ZNF169: variants seen among roughly 807,000 people sequenced by gnomAD.
ZNF169 encodes zinc finger protein 169.
A neutral mutation model predicts 12.0 loss-of-function variants in ZNF169; 11 were observed. The ratio of observed to expected loss-of-function variants is 0.92; its 90% CI spans 0.58 to 1.52. The LOEUF is 1.52. Ranked by LOEUF, ZNF169 falls within the 40% of genes most tolerant of loss-of-function variation. The pLI is 0.00. For synonymous variants in ZNF169, 302 were observed against 286.5 expected (o/e 1.05, Z -0.55); for missense variants, 722 against 744.0 (o/e 0.97, Z 0.34).
intron 2 of ZNF169, among the ~76,000 whole-genome samples, chr9:94,283,281 G>A (rs569222819): frequency 3.9e-5 from 6 of 152,194 alleles, no homozygotes; most frequent in South Asian, 4.1e-4. Flanking sequence ...TGTGGCATGC[G>A]CCTGTAGTCC....
chr9:94,298,844 G>A (rs1466753243), intron 4 of ZNF169, among the ~76,000 whole-genome samples: 1 of 151,952 alleles, frequency 6.6e-6, no homozygotes, highest in East Asian at 1.9e-4. Context: ...ACCATCATGG[G>A]AATTAGTGTT....
rs1289084595 is a variant in ZNF169 at position 94,301,239 on chromosome 9, C to T, written c.1681C>T (p.Gln561Ter). ...CTTTAAGTCTGCCCTCATCCGACAT[C>T]AGCGGACCCATTCTGGGGAGAAGCC... Reference protein sequence around the residue: ...FGFKSALIRHQRTHSGEKPYV... With the variant: ...FGFKSALIRH Residue 561 changes from glutamine to a stop codon, truncating the protein, a stop_gained, in exon 5 of 5, where the codon CAG (glutamine) becomes TAG (stop). Coordinates refer to ENST00000395395, the MANE Select transcript of ZNF169 (RefSeq NM_194320.4). LOFTEE classifies it low-confidence loss of function (END_TRUNC). 3.1e-6 allele frequency: 5 copies of T among 1,614,126 alleles called. No individual in the cohort carries two copies. In the South Asian group the frequency reaches 5.5e-5, roughly 18 times the overall value.
At chr9:94,290,797 T>C (rs1181455841) in intron 2 of ZNF169, among the ~76,000 whole-genome samples, 2 of 152,156 alleles carry the variant, frequency 1.3e-5, no homozygotes. Context: ...GTGGAATTGT[T>C]GGATCAGATG....
rs536175880 is a variant in ZNF169, at chr9:94,300,006, G to A, written c.448G>A (p.Asp150Asn). 1.9e-5 allele frequency: 30 copies of A among 1,614,008 alleles called. No homozygotes were observed. The Middle Eastern group carries it at 6.6e-4, about 35-fold the overall frequency. ...AGAAAGTGGAGAGACAGAAGGCCCC[G>A]ACAGCTCATTAAGAAAGAGGCCAAG... ...KGESGETEGP[D>N]SSLRKRPSRI... The change falls in exon 5 of 5, where the codon GAC becomes AAC. Residue 150 changes from aspartate to asparagine, a missense_variant. Transcript: ENST00000395395.
chr9:94,283,050 T>A (rs1475935712), intron 2 of ZNF169, among the ~76,000 whole-genome samples: 1 of 152,162 alleles, frequency 6.6e-6, no homozygotes, highest in African/African-American at 2.4e-5. Context: ...TGGATTTACC[T>A]CTTCTGGATA....
At chr9:94,273,715 G>T (rs1830469859) in intron 1 of ZNF169, among the ~76,000 whole-genome samples, 1 of 151,706 alleles carries the variant, frequency 6.6e-6, no homozygotes, top group Admixed American at 6.6e-5. Flanking sequence ...GAGTAGCTGG[G>T]ACTACAGGCA....
intron 4 of ZNF169, among the ~76,000 whole-genome samples, chr9:94,299,183 ATCAGGGATTCC>A (rs1438132018): frequency 6.6e-6 from 1 of 152,254 alleles, no homozygotes; most frequent in African/African-American, 2.4e-5. Flanking sequence ...GGAGGGCAGC[ATCAGGGATTCC>A]TCTTCTTCAA....
chr9:94,301,365 T>G lies in ZNF169; in HGVS notation c.1807T>G (p.Phe603Val), dbSNP rs770221154. Residue 603 changes from phenylalanine to valine, a missense_variant, in exon 5 of 5, where the codon TTC (phenylalanine) becomes GTC (valine). Physicochemically the swap from Phe to Val is conservative, Grantham distance 50. Transcript: ENST00000395395. Reference protein sequence around the residue: ...SGHQLLPQEVF With the variant: ...SGHQLLPQEVV ...TCATCAGCTCCTACCCCAAGAGGTC[T>G]TCTGACCTTTCCTTTCCCCGTGAGT... The G allele has an allele frequency of 1.0e-5, 16 of 1,601,728 alleles. No individual in the cohort carries two copies. Among genetic ancestry groups the G allele is most frequent in the Non-Finnish European group, 1.4e-5 (16 of 1,171,670 alleles).
chr9:94,261,939 A>C (rs1415401112), intron 1 of ZNF169, among the ~76,000 whole-genome samples: 1 of 152,252 alleles, frequency 6.6e-6, no homozygotes, highest in African/African-American at 2.4e-5. Context: ...GATCATACCC[A>C]AGAAAATTAA....
At position 94,301,464 on chromosome 9, in the gene ZNF169, C is replaced by T. The variant is rs1166875257; in HGVS notation, c.*94C>T. The T allele has an allele frequency of 4.8e-6, 7 of 1,449,510 alleles. No individual in the cohort carries two copies. Among genetic ancestry groups the T allele is most frequent in the Non-Finnish European group, 6.4e-6 (7 of 1,099,088 alleles). 89.8% of individuals were successfully genotyped at this position (1,449,510 alleles called of 1,614,324 possible). On this transcript the variant is annotated 3_prime_UTR_variant, in exon 5 of 5. Transcript: ENST00000395395. Reference sequence around the variant, plus strand: ...AATGGAAAAAAAAAAATGTTGCTTTCTTTCATCGATCATGAGATAGTTGAT... The same window carrying T: ...AATGGAAAAAAAAAAATGTTGCTTTTTTTCATCGATCATGAGATAGTTGAT...
chr9:94,270,915 ATAT>A lies in ZNF169; in HGVS notation c.-55-7839_-55-7837del, dbSNP rs200478420. ...TATATAATAATATATATATTATATTATATTATATATAAATAATATATAATATAT... is the reference window on the plus strand; with the variant it reads ...TATATAATAATATATATATTATATTATATATATAAATAATATATAATATAT... On this transcript the variant is annotated intron_variant, in intron 1 of 4. Coordinates refer to ENST00000395395, the MANE Select transcript of ZNF169 (RefSeq NM_194320.4). Among the ~76,000 whole-genome samples the A allele has an allele frequency of 4.8e-3, 91 of 19,060 alleles. 8 individuals carry two copies. The highest frequency in any genetic ancestry group is 0.012 in the African/African-American group (74 of 6,430). 12.5% of individuals were successfully genotyped at this position (19,060 alleles called of 152,430 possible). A position where few individuals can be genotyped will look rare whatever the true frequency, so the allele number is the denominator to read the frequency against.
At chr9:94,296,921 C>T in intron 4 of ZNF169, 1 of 424,432 alleles carries the variant, frequency 2.4e-6, no homozygotes, top group South Asian at 1.7e-5. Context: ...GTGGTGCGCA[C>T]CTGTAATCAC....
At chr9:94,289,070 G>C (rs1019166377) in intron 2 of ZNF169, among the ~76,000 whole-genome samples, 7 of 152,084 alleles carry the variant, frequency 4.6e-5, no homozygotes, top group African/African-American at 1.7e-4. Flanking sequence ...AAGAGTAAGG[G>C]GATGTAATGG....
At chr9:94,263,679 G>A (rs553676863) in intron 1 of ZNF169, among the ~76,000 whole-genome samples, 133 of 151,972 alleles carry the variant, frequency 8.8e-4, no homozygotes, top group Non-Finnish European at 1.6e-3. Context: ...ATGAGCCACC[G>A]TGCCCAGCCA....
In ZNF169 at chr9:94,300,355, A is replaced by T. The variant is rs750261334; in HGVS notation, c.797A>T (p.Glu266Val). The T allele has an allele frequency of 1.9e-6, 3 of 1,614,136 alleles. No individual in the cohort carries two copies. Among genetic ancestry groups the T allele is most frequent in the Non-Finnish European group, 1.7e-6 (2 of 1,180,020 alleles). ...HTGEKPYLCPECGRRFSQKAS... is the reference protein window; with the variant it reads ...HTGEKPYLCPVCGRRFSQKAS... Reference sequence around the variant, plus strand: ...GGGGAGAAGCCATACCTGTGTCCTGAGTGTGGGCGTCGGTTTAGCCAGAAG... The same window carrying T: ...GGGGAGAAGCCATACCTGTGTCCTGTGTGTGGGCGTCGGTTTAGCCAGAAG... The change falls in exon 5 of 5, where the codon GAG (glutamate) becomes GTG (valine). Residue 266 changes from glutamate (E) to valine (V), a missense_variant. Glu to Val is a moderately radical substitution (Grantham distance 121). Transcript: ENST00000395395.
chr9:94,268,777 C>A (rs1830336232), intron 1 of ZNF169, among the ~76,000 whole-genome samples: 1 of 122,940 alleles, frequency 8.1e-6, no homozygotes, highest in Non-Finnish European at 1.6e-5. Flanking sequence ...CAAAGTGAGA[C>A]TCCATTTCAA....
At chr9:94,274,550 G>T (rs1402836374) in intron 1 of ZNF169, among the ~76,000 whole-genome samples, 2 of 152,038 alleles carry the variant, frequency 1.3e-5, no homozygotes, top group African/African-American at 4.8e-5. Context: ...CTTACAATGG[G>T]ATTATGTCCC....
chr9:94,287,878 A>G, intron 2 of ZNF169: 1 of 994,632 alleles, frequency 1.0e-6, no homozygotes, highest in South Asian at 1.3e-5. Context: ...TCGATCTGAT[A>G]CTTGGCTGCT....
rs116412216 is a variant in ZNF169, at chr9:94,290,674, T to C, written c.34-1667T>C. ...ATTCACATTTTCTTTATTCATTCAG[T>C]TGATAAACATTCAAGTTGTTTCCAG... On this transcript the variant is annotated intron_variant, in intron 2 of 4. Transcript: ENST00000395395. Among the ~76,000 whole-genome samples, 625 of 152,350 alleles carry C rather than the reference T, an allele frequency of 4.1e-3. 2 individuals carry two copies. Among genetic ancestry groups the C allele is most frequent in the African/African-American group, 0.014 (597 of 41,588 alleles).
Sources: gnomAD v4.1 joint callset for allele counts (sites outside exome capture counted in the v4.1 genomes callset) on GRCh38, gnomAD v4.1.1 for gene constraint, MANE v1.5 for transcripts, NCBI Gene and HGNC (gene_info 2026-07-23, HGNC 2026-07-21) for gene names.